CDK17: variants seen among roughly 807,000 people sequenced by gnomAD.
The protein encoded by CDK17 is cyclin-dependent kinase 17.
CDK17 carries 24 observed loss-of-function variants against 77.6 expected under a neutral mutation model. The observed-to-expected ratio is 0.31, with a 90% CI of 0.22 to 0.44. The LOEUF is 0.44. Ranked by LOEUF, CDK17 falls within the 20% of genes least tolerant of loss-of-function variation. The pLI, the probability that CDK17 is intolerant of heterozygous loss-of-function variation, is 1.00. For synonymous variants in CDK17, 203 were observed against 210.4 expected, an observed-to-expected ratio of 0.96 and a Z score of 0.30; for missense variants, 429 against 622.5, an observed-to-expected ratio of 0.69 and a Z score of 3.31.
chr12:96,293,856 C>T (rs1952361613), intron 10 of CDK17, among the ~76,000 whole-genome samples: 1 of 152,178 alleles, frequency 6.6e-6, no homozygotes, highest in Non-Finnish European at 1.5e-5. Flanking sequence ...GAAAAGCCAT[C>T]AAACTCAAAG....
intron 1 of CDK17, among the ~76,000 whole-genome samples, chr12:96,348,523 C>CAAAAAAAAAAAAAAAAAAAAAAAAAA (rs35363324): frequency 3.0e-5 from 2 of 66,374 alleles, no homozygotes; most frequent in Non-Finnish European, 5.2e-5. Flanking sequence ...GACTCTGTCT[C>CAAAAAAAAAAAAAAAAAAAAAAAAAA]AAAAAAAAAA....
chr12:96,294,531 C>T (rs1367127323), intron 10 of CDK17, among the ~76,000 whole-genome samples: 1 of 121,364 alleles, frequency 8.2e-6, no homozygotes, highest in African/African-American at 3.2e-5. Context: ...TGCAGTGAGT[C>T]AAGATCACAC....
At chr12:96,299,678 C>T (rs1046178698) in intron 6 of CDK17, among the ~76,000 whole-genome samples, 7 of 152,162 alleles carry the variant, frequency 4.6e-5, no homozygotes, top group Admixed American at 6.5e-5. Context: ...CGTGAGCCAC[C>T]GCGCCCGGCA....
chr12:96,316,678 C>T (rs1302635287), intron 3 of CDK17, among the ~76,000 whole-genome samples: 1 of 127,558 alleles, frequency 7.8e-6, no homozygotes, highest in Non-Finnish European at 1.7e-5. Flanking sequence ...AACTGTGAGG[C>T]ACCCCCCAGC....
intron 1 of CDK17, among the ~76,000 whole-genome samples, chr12:96,361,945 T>C (rs1264047235): frequency 1.3e-5 from 2 of 152,250 alleles, no homozygotes; most frequent in African/African-American, 4.8e-5. Context: ...CTTTTTTCTT[T>C]AGACCAAATC....
chr12:96,380,609 T>C (rs966949327), intron 1 of CDK17, among the ~76,000 whole-genome samples: 3 of 152,190 alleles, frequency 2.0e-5, no homozygotes, highest in Non-Finnish European at 4.4e-5. Flanking sequence ...ATTTTCAATA[T>C]TGTAAAGCAA....
chr12:96,294,429 C>G (rs934376729), intron 10 of CDK17, among the ~76,000 whole-genome samples: 2 of 151,270 alleles, frequency 1.3e-5, no homozygotes, highest in South Asian at 2.1e-4. Flanking sequence ...GCTAAAAATA[C>G]AAAATTAGCC....
chr12:96,385,488 C>T (rs1205125626), intron 1 of CDK17, among the ~76,000 whole-genome samples: 1 of 152,014 alleles, frequency 6.6e-6, no homozygotes, highest in African/African-American at 2.4e-5. Flanking sequence ...CGAACCTGCA[C>T]TTGTATGCCC....
chr12:96,297,639 C>T lies in CDK17; in HGVS notation c.798G>A (p.Val266=). ...IVHTDKSLTL[V]FEYLDKDLKQ... ...ATGAGATGCTTACCAGATACTCAAACACCAAAGTCAAGGATTTATCTGTGT... is the reference window on the plus strand; with the variant it reads ...ATGAGATGCTTACCAGATACTCAAATACCAAAGTCAAGGATTTATCTGTGT... Residue 266 remains valine, a synonymous_variant, in exon 8 of 17, where the codon GTG becomes GTA. Transcript: ENST00000261211. 6.3e-7 allele frequency: 1 copy of T among 1,588,658 alleles called. No homozygotes were observed. The highest frequency in any genetic ancestry group is 8.6e-7 in the Non-Finnish European group (1 of 1,160,036).
intron 1 of CDK17, chr12:96,335,376 G>A: frequency 5.6e-6 from 1 of 178,610 alleles, no homozygotes. Context: ...TTAGAGTTTG[G>A]TTTTGTTTTT....
chr12:96,289,638 A>C (rs1341611965), intron 10 of CDK17, among the ~76,000 whole-genome samples: 1 of 152,228 alleles, frequency 6.6e-6, no homozygotes, highest in South Asian at 2.1e-4. Context: ...TTAATCCATA[A>C]TAGGCCAATG....
rs146571077 is a variant in CDK17, at chr12:96,280,328, C to G, written c.1535-49G>C. Reference sequence around the variant, plus strand: ...AGGCAGTTCAAGGTTCAGTTTTATCCCACATACAGTTATTTGGTGACTAGG... The same window carrying G: ...AGGCAGTTCAAGGTTCAGTTTTATCGCACATACAGTTATTTGGTGACTAGG... On this transcript the variant is annotated intron_variant, in intron 16 of 16. Coordinates refer to ENST00000261211, the MANE Select transcript of CDK17 (RefSeq NM_002595.5). 1,743 of 1,542,996 alleles carry G rather than the reference C, an allele frequency of 1.1e-3. 21 individuals are homozygous for G. In the African/African-American group the frequency reaches 0.022, roughly 19 times the overall value.
intron 5 of CDK17, among the ~76,000 whole-genome samples, chr12:96,306,041 T>C (rs1359698530): frequency 6.6e-6 from 1 of 151,922 alleles, no homozygotes; most frequent in Non-Finnish European, 1.5e-5. Context: ...TTTTATGATA[T>C]AGGAAGAGAG....
In CDK17 at chr12:96,381,107, A is replaced by G. The variant is rs147270582; in HGVS notation, c.-30+18879T>C. Among the ~76,000 whole-genome samples, 18 of 152,306 alleles carry G rather than the reference A, an allele frequency of 1.2e-4. No homozygotes were observed. The East Asian group carries it at 3.5e-3, about 29-fold the overall frequency. ...GTTCATCTTTGGTAATAACACAAAT[A>G]AACTAATACACTCTATCATAAACCA... On this transcript the variant is annotated intron_variant, in intron 1 of 16. Coordinates refer to ENST00000261211, the MANE Select transcript of CDK17 (RefSeq NM_002595.5).
intron 1 of CDK17, among the ~76,000 whole-genome samples, chr12:96,378,734 T>C (rs987100594): frequency 5.9e-5 from 9 of 152,178 alleles, no homozygotes; most frequent in Non-Finnish European, 1.3e-4. Flanking sequence ...CCACAAAGGA[T>C]TGAGTGACTA....
chr12:96,347,418 C>G (rs1159450207), intron 1 of CDK17, among the ~76,000 whole-genome samples: 1 of 151,274 alleles, frequency 6.6e-6, no homozygotes, highest in Admixed American at 6.6e-5. Flanking sequence ...ACAAAAGAAG[C>G]TAGCCAGGTG....
At chr12:96,311,617 A>G (rs1336425564) in intron 4 of CDK17, among the ~76,000 whole-genome samples, 1 of 79,468 alleles carries the variant, frequency 1.3e-5, no homozygotes, top group Admixed American at 1.4e-4. Context: ...TTAATTATAC[A>G]ATGTGAGCTG....
intron 1 of CDK17, among the ~76,000 whole-genome samples, chr12:96,382,620 T>C (rs1353737916): frequency 6.6e-6 from 1 of 152,084 alleles, no homozygotes; most frequent in Non-Finnish European, 1.5e-5. Context: ...AACAAAATAC[T>C]AGCAAATGGA....
intron 1 of CDK17, among the ~76,000 whole-genome samples, chr12:96,344,739 GTAATTACACAGGTAAT>G (rs1451557070): frequency 1.1e-4 from 17 of 152,110 alleles, no homozygotes; most frequent in African/African-American, 4.1e-4. Context: ...ACTGGTAAAG[GTAATTACACAGGTAAT>G]TATAAAAGAG....
Sources: allele counts gnomAD v4.1 joint callset (sites outside exome capture counted in the v4.1 genomes callset), GRCh38; gene constraint gnomAD v4.1.1; transcripts MANE v1.5; gene names NCBI Gene and HGNC (gene_info 2026-07-23, HGNC 2026-07-21).